ABHD17B: variants seen among roughly 807,000 people sequenced by gnomAD.
The protein encoded by ABHD17B is alpha/beta hydrolase domain-containing protein 17B.
ABHD17B carries 9 observed loss-of-function variants against 26.2 expected under a neutral mutation model. That is an observed-to-expected ratio of 0.34 (90% CI 0.21 to 0.60). ABHD17B has a LOEUF of 0.60. ABHD17B is among the 20% of genes least tolerant of loss of function. ABHD17B has a pLI of 0.80. For synonymous variants in ABHD17B, 127 were observed against 122.3 expected, an observed-to-expected ratio of 1.04 and a Z score of -0.25; for missense variants, 224 against 352.1, an observed-to-expected ratio of 0.64 and a Z score of 2.91.
At chr9:71,891,362 G>A (rs1023490153) in intron 1 of ABHD17B, among the ~76,000 whole-genome samples, 2 of 152,060 alleles carry the variant, frequency 1.3e-5, no homozygotes, top group African/African-American at 2.4e-5. Context: ...CTAAAGCCCC[G>A]AGTCTTTACT....
Position 71,910,812 on chromosome 9 carries a change from G to A in ABHD17B, c.-182C>T, listed in dbSNP as rs1438252189. The A allele has an allele frequency of 1.3e-5, 2 of 151,942 alleles. No individual in the cohort carries two copies. Among genetic ancestry groups the A allele is most frequent in the Admixed American group, 6.5e-5 (1 of 15,282 alleles). The allele number at this position is 151,942 out of a possible 1,614,324, so 9.4% of individuals were successfully genotyped here. A position where few individuals can be genotyped will look rare whatever the true frequency, so the allele number is the denominator to read the frequency against. ...GGGCTACAGCCCCCGGCGCCGGGGC[G>A]AAGAAGGACGGCGGCGCCCCAGGGG... On this transcript the variant is annotated 5_prime_UTR_variant, in exon 1 of 4. Transcript: ENST00000333421.
intron 1 of ABHD17B, among the ~76,000 whole-genome samples, chr9:71,899,653 T>C (rs1827075499): frequency 6.6e-6 from 1 of 152,236 alleles, no homozygotes; most frequent in South Asian, 2.1e-4. Context: ...GTTCTGGCTA[T>C]AATTCTATTT....
At chr9:71,900,822 G>A (rs1378424138) in intron 1 of ABHD17B, among the ~76,000 whole-genome samples, 1 of 151,952 alleles carries the variant, frequency 6.6e-6, no homozygotes, top group Non-Finnish European at 1.5e-5. Flanking sequence ...GCATGAAGCT[G>A]TTTCCACATC....
Position 71,865,532 on chromosome 9 carries a change from C to G in ABHD17B, c.*1255G>C. The G allele has an allele frequency of 2.0e-6, 2 of 985,202 alleles. No homozygotes were observed. Among genetic ancestry groups the G allele is most frequent in the Non-Finnish European group, 2.4e-6 (2 of 829,842 alleles). The allele number at this position is 985,202 out of a possible 1,614,324, so 61.0% of individuals were successfully genotyped here. A position where few individuals can be genotyped will look rare whatever the true frequency, so the allele number is the denominator to read the frequency against. On this transcript the variant is annotated 3_prime_UTR_variant, in exon 4 of 4. Transcript: ENST00000333421. The stretch of plus-strand genomic sequence containing the variant: ...TACCCAGGAGTGAATCCATGAAATT[C>G]TCAGATAGTAATCCAAAACAATAGG...
chr9:71,894,766 A>T (rs1432026047), intron 1 of ABHD17B, among the ~76,000 whole-genome samples: 2 of 152,158 alleles, frequency 1.3e-5, no homozygotes, highest in African/African-American at 4.8e-5. Flanking sequence ...TTGAAGCTGC[A>T]GTAAGCTATG....
At chr9:71,908,427 C>T (rs927977861) in intron 1 of ABHD17B, among the ~76,000 whole-genome samples, 2 of 149,446 alleles carry the variant, frequency 1.3e-5, no homozygotes, top group Admixed American at 1.3e-4. Context: ...CACAAACTCA[C>T]CTTCCCTCTC....
rs1825960752 is a variant in ABHD17B, at chr9:71,866,549, T to TC, written c.*237_*238insG. The TC allele has an allele frequency of 9.1e-6, 12 of 1,320,090 alleles. No homozygotes were observed. Among genetic ancestry groups the TC allele is most frequent in the Non-Finnish European group, 1.2e-5 (12 of 1,034,326 alleles). 81.8% of individuals were successfully genotyped at this position (1,320,090 alleles called of 1,614,324 possible). Reference sequence around the variant, plus strand: ...ATCTCATACAGTACTCATCTTGATGTTAAAAAAAAATTCACAGAAAAAATA... The same window carrying TC: ...ATCTCATACAGTACTCATCTTGATGTCTAAAAAAAAATTCACAGAAAAAATA... On this transcript the variant is annotated 3_prime_UTR_variant, in exon 4 of 4. Transcript: ENST00000333421.
intron 1 of ABHD17B, among the ~76,000 whole-genome samples, chr9:71,888,666 A>C (rs1237543220): frequency 6.6e-6 from 1 of 152,138 alleles, no homozygotes; most frequent in African/African-American, 2.4e-5. Flanking sequence ...TGAATTTCTA[A>C]GAGTTACAAA....
chr9:71,887,761 C>T (rs1202951190), intron 1 of ABHD17B, among the ~76,000 whole-genome samples: 3 of 152,192 alleles, frequency 2.0e-5, no homozygotes, highest in Non-Finnish European at 4.4e-5. Context: ...CATCAAAGTA[C>T]ATATACGTAA....
intron 1 of ABHD17B, among the ~76,000 whole-genome samples, chr9:71,900,187 G>T (rs1372434631): frequency 6.6e-6 from 1 of 152,186 alleles, no homozygotes; most frequent in Non-Finnish European, 1.5e-5. Flanking sequence ...ACTAACTAGG[G>T]TTATATAGAA....
chr9:71,891,730 C>A (rs1247821314), intron 1 of ABHD17B, among the ~76,000 whole-genome samples: 1 of 152,194 alleles, frequency 6.6e-6, no homozygotes, highest in East Asian at 1.9e-4. Flanking sequence ...CTGTCTCTCA[C>A]AAACACACAC....
At chr9:71,893,308 G>A (rs1040929883) in intron 1 of ABHD17B, among the ~76,000 whole-genome samples, 6 of 152,088 alleles carry the variant, frequency 3.9e-5, no homozygotes, top group Non-Finnish European at 5.9e-5. Context: ...ACAGGTTGAG[G>A]GCTCCCCACT....
At chr9:71,892,142 A>G (rs1826802574) in intron 1 of ABHD17B, among the ~76,000 whole-genome samples, 1 of 152,238 alleles carries the variant, frequency 6.6e-6, no homozygotes, top group South Asian at 2.1e-4. Flanking sequence ...AGATGTTCTC[A>G]TAAGCTTCAG....
intron 1 of ABHD17B, among the ~76,000 whole-genome samples, chr9:71,909,558 T>G (rs961224477): frequency 2.0e-5 from 3 of 152,242 alleles, no homozygotes; most frequent in Non-Finnish European, 4.4e-5. Flanking sequence ...ATTAACGTTA[T>G]TACAACATGT....
At chr9:71,909,410 T>C (rs1165550111) in intron 1 of ABHD17B, among the ~76,000 whole-genome samples, 1 of 152,230 alleles carries the variant, frequency 6.6e-6, no homozygotes, top group African/African-American at 2.4e-5. Flanking sequence ...ATTAGAATAC[T>C]AGCAATCATG....
chr9:71,904,180 A>G (rs992989592), intron 1 of ABHD17B, among the ~76,000 whole-genome samples: 1 of 152,176 alleles, frequency 6.6e-6, no homozygotes, highest in Non-Finnish European at 1.5e-5. Context: ...AGCAGTTATC[A>G]CTTTCTAATA....
At chr9:71,880,869 T>C (rs1826421509) in intron 1 of ABHD17B, among the ~76,000 whole-genome samples, 1 of 151,812 alleles carries the variant, frequency 6.6e-6, no homozygotes. Flanking sequence ...CCCATCAAAA[T>C]TCCAGCAGAA....
intron 1 of ABHD17B, 145 bp from the exon 2 acceptor site, chr9:71,875,228 TTC>T (rs1429339241): frequency 2.8e-5 from 15 of 544,124 alleles, no homozygotes; most frequent in South Asian, 1.4e-4. Context: ...GATTTTTGGC[TTC>T]TTTTTTTTTT....
downstream of ABHD17B, chr9:71,865,123 G>A (rs183159461): frequency 2.4e-4 from 238 of 980,562 alleles, 1 homozygote; most frequent in South Asian, 6.1e-4. Flanking sequence ...TGGGGGTGGG[G>A]AGCATGGAAA....
Sources: gnomAD v4.1 joint callset for allele counts (sites outside exome capture counted in the v4.1 genomes callset) on GRCh38, gnomAD v4.1.1 for gene constraint, MANE v1.5 for transcripts, NCBI Gene and HGNC (gene_info 2026-07-23, HGNC 2026-07-21) for gene names.